The following ZNF462 variants were observed in gnomAD, a reference collection of about 807,000 sequenced individuals.
ZNF462 encodes the protein zinc finger PBX1-interacting protein.
ZNF462 carries 10 observed loss-of-function variants against 201.9 expected under a neutral mutation model. The ratio of observed to expected loss-of-function variants is 0.05; its 90% CI spans 0.03 to 0.08. The LOEUF is 0.08. Ranked by LOEUF, ZNF462 falls within the 10% of genes least tolerant of loss-of-function variation. The probability of loss-of-function intolerance (pLI) is 1.00; values close to 1 mark genes in which losing one functional copy is unlikely to be tolerated. For synonymous variants in ZNF462, 1,227 were observed against 1,193.3 expected (o/e 1.03, Z -0.58); for missense variants, 2,523 against 3,168.3 (o/e 0.80, Z 4.89).
rs1830058915 is a variant in ZNF462 at position 106,923,310 on chromosome 9, A to AT, written c.-30-42dup. On this transcript the variant is annotated intron_variant, in intron 1 of 12. Transcript: ENST00000277225. The surrounding 1 kb of genome is among the most constrained non-coding windows in gnomAD (Gnocchi z 5.6). The stretch of plus-strand genomic sequence containing the variant: ...TAGCCCCATCAGCTCGAGGTATGTG[A>AT]TTAGTGCATTCCTTAAGATGTTTTG... The AT allele has an allele frequency of 6.9e-7, 1 of 1,439,246 alleles. No individual in the cohort carries two copies. The highest frequency in any genetic ancestry group is 1.7e-5 in the Admixed American group (1 of 59,546). The allele number at this position is 1,439,246 out of a possible 1,614,324, so 89.2% of individuals were successfully genotyped here.
At chr9:106,903,148 G>T (rs996462858) in intron 1 of ZNF462, among the ~76,000 whole-genome samples, 1 of 151,800 alleles carries the variant, frequency 6.6e-6, no homozygotes, top group African/African-American at 2.4e-5. Flanking sequence ...TAAGTTCGAA[G>T]AATTTTTAAA....
intron 10 of ZNF462, among the ~76,000 whole-genome samples, chr9:106,994,715 G>A (rs1206068176): frequency 6.6e-6 from 1 of 152,120 alleles, no homozygotes; most frequent in Admixed American, 6.6e-5. Context: ...TGAGCAAGAG[G>A]TGTGACCGTT....
At chr9:106,987,870 C>A (rs12685671) in intron 10 of ZNF462, among the ~76,000 whole-genome samples, 12,754 of 152,136 alleles carry the variant, frequency 0.084, 1,290 homozygotes, top group African/African-American at 0.24. Flanking sequence ...CAGTTTCATT[C>A]TCCTACATGT....
chr9:106,864,768 C>T (rs920304665), intron 1 of ZNF462, among the ~76,000 whole-genome samples: 3 of 152,058 alleles, frequency 2.0e-5, no homozygotes, highest in Non-Finnish European at 4.4e-5. Context: ...CCAGGGCTCC[C>T]GGGGGCTGTG....
chr9:106,968,527 G>A lies in ZNF462; in HGVS notation c.6428-3478G>A, dbSNP rs1016488643. On this transcript the variant is annotated intron_variant, in intron 7 of 12. Coordinates refer to ENST00000277225, the MANE Select transcript of ZNF462 (RefSeq NM_021224.6). This position sits in a 1 kb window ranked among gnomAD's most constrained non-coding sequence, Gnocchi z 4.0. ...GAGAATAAAACTCTTTTCTCAGACT[G>A]TATGTGTCAGGGTTGGTTGGTTGGT... 4.0e-5 allele frequency among the ~76,000 whole-genome samples: 6 copies of A among 151,528 alleles called. No individual in the cohort carries two copies. The highest frequency in any genetic ancestry group is 8.8e-5 in the Non-Finnish European group (6 of 68,020).
chr9:106,943,057 CGCGTGTGT>C (rs1459055728), intron 7 of ZNF462, among the ~76,000 whole-genome samples: 2 of 136,818 alleles, frequency 1.5e-5, no homozygotes, highest in African/African-American at 2.9e-5. Flanking sequence ...GTTTTGCGCG[CGCGTGTGT>C]GTGTGTGTGT....
rs1432495300 is a variant in ZNF462, at chr9:107,006,030, C to G, written c.7189+2604C>G. Among the ~76,000 whole-genome samples, 1 of 152,114 alleles carries G rather than the reference C, an allele frequency of 6.6e-6. No individual in the cohort carries two copies. The highest frequency in any genetic ancestry group is 1.5e-5 in the Non-Finnish European group (1 of 68,014). On this transcript the variant is annotated intron_variant, in intron 11 of 12. Coordinates refer to ENST00000277225, the MANE Select transcript of ZNF462 (RefSeq NM_021224.6). This position sits in a 1 kb window ranked among gnomAD's most constrained non-coding sequence, Gnocchi z 4.3. ...TTATTTCTGGGCTCTCTATTCTGTTCTGTTGGTCTGTGTATCTGTTTTTTA... is the reference window on the plus strand; with the variant it reads ...TTATTTCTGGGCTCTCTATTCTGTTGTGTTGGTCTGTGTATCTGTTTTTTA...
At position 106,890,616 on chromosome 9, in the gene ZNF462, G is replaced by A. The variant is rs1564079361; in HGVS notation, c.-31+27261G>A. On this transcript the variant is annotated intron_variant, in intron 1 of 12. Transcript: ENST00000277225. This position sits in a 1 kb window ranked among gnomAD's most constrained non-coding sequence, Gnocchi z 4.2. ...TGATGATGCACTTAGGCTTACCTTC[G>A]TAATATGGGTAAATGTCTCAGGTTA... is the stretch of plus-strand genomic sequence containing the variant. 6.6e-6 allele frequency among the ~76,000 whole-genome samples: 1 copy of A among 152,156 alleles called. No homozygotes were observed. Among genetic ancestry groups the A allele is most frequent in the Non-Finnish European group, 1.5e-5 (1 of 68,030 alleles).
chr9:106,901,595 G>A (rs1047169579), intron 1 of ZNF462, among the ~76,000 whole-genome samples: 1 of 152,052 alleles, frequency 6.6e-6, no homozygotes, highest in African/African-American at 2.4e-5. Context: ...ATTTCTTTCA[G>A]CAATGTTTTC....
In ZNF462 at chr9:106,925,818, C is replaced by T; in HGVS notation, c.1906C>T (p.Pro636Ser). The T allele has an allele frequency of 6.2e-7, 1 of 1,614,208 alleles. No individual in the cohort carries two copies. Among genetic ancestry groups the T allele is most frequent in the Non-Finnish European group, 8.5e-7 (1 of 1,180,048 alleles). ...CDNLPKFEGQ[P>S]SSLPLENETD... ...CAACTTGCCAAAATTCGAGGGGCAG[C>T]CCTCAAGCCTACCATTGGAAAATGA... The change falls in exon 3 of 13, where the codon CCC becomes TCC. Residue 636 changes from proline (P) to serine (S), a missense_variant. Coordinates refer to ENST00000277225, the MANE Select transcript of ZNF462 (RefSeq NM_021224.6). This position sits in a 1 kb window ranked among gnomAD's most constrained non-coding sequence, Gnocchi z 7.9.
At position 106,968,444 on chromosome 9, in the gene ZNF462, C is replaced by T. The variant is rs1247379947; in HGVS notation, c.6428-3561C>T. Reference sequence around the variant, plus strand: ...CTTAATTAAATTTATTTTATAACTACAATTATACATTATAATTTCATTTCT... The same window carrying T: ...CTTAATTAAATTTATTTTATAACTATAATTATACATTATAATTTCATTTCT... On this transcript the variant is annotated intron_variant, in intron 7 of 12. Coordinates refer to ENST00000277225, the MANE Select transcript of ZNF462 (RefSeq NM_021224.6). This position sits in a 1 kb window ranked among gnomAD's most constrained non-coding sequence, Gnocchi z 4.0. Among the ~76,000 whole-genome samples the T allele has an allele frequency of 2.0e-5, 3 of 152,186 alleles. No homozygotes were observed. Among genetic ancestry groups the T allele is most frequent in the Non-Finnish European group, 4.4e-5 (3 of 68,038 alleles).
At chr9:106,994,991 A>C (rs1189107436) in intron 10 of ZNF462, among the ~76,000 whole-genome samples, 2 of 152,174 alleles carry the variant, frequency 1.3e-5, no homozygotes, top group Admixed American at 1.3e-4. Context: ...AAATGAAATC[A>C]ACTTTTCAAA....
At chr9:106,952,370 A>G (rs1831391533) in intron 7 of ZNF462, among the ~76,000 whole-genome samples, 1 of 152,220 alleles carries the variant, frequency 6.6e-6, no homozygotes, top group African/African-American at 2.4e-5. Flanking sequence ...TTATTAAAAT[A>G]CTATAGTAGA....
chr9:106,952,216 G>T (rs892796225), intron 7 of ZNF462, among the ~76,000 whole-genome samples: 1 of 152,080 alleles, frequency 6.6e-6, no homozygotes, highest in Non-Finnish European at 1.5e-5. Context: ...CATGTCCTTA[G>T]TTAAAGCATT....
Position 107,006,465 on chromosome 9 carries a change from C to G in ZNF462, c.7189+3039C>G, listed in dbSNP as rs933746001. On this transcript the variant is annotated intron_variant, in intron 11 of 12. Transcript: ENST00000277225. The surrounding 1 kb of genome is among the most constrained non-coding windows in gnomAD (Gnocchi z 4.3). ...TCTTCTTACCCTGCACACCACTTTC[C>G]CAGTGCTTCGAGTAGTGTAATCTTC... Among the ~76,000 whole-genome samples the G allele has an allele frequency of 2.6e-5, 4 of 152,186 alleles. No individual in the cohort carries two copies. In the East Asian group the frequency reaches 7.7e-4, roughly 29 times the overall value.
Position 106,929,143 on chromosome 9 carries a change from T to A in ZNF462, c.5231T>A (p.Ile1744Asn). ...ATCAGCGACAAGCCCAACAAAGTGA[T>A]CATCCCATCCCCGCCCAAGGACGAC... ...RTISDKPNKV[I>N]IPSPPKDDSP... is the part of the protein sequence containing the mutation. Residue 1744 changes from isoleucine to asparagine, a missense_variant, in exon 3 of 13, where the codon ATC becomes AAC. Coordinates refer to ENST00000277225, the MANE Select transcript of ZNF462 (RefSeq NM_021224.6). This position sits in a 1 kb window ranked among gnomAD's most constrained non-coding sequence, Gnocchi z 8.7. 1 of 1,614,046 alleles carries A rather than the reference T, an allele frequency of 6.2e-7. No individual in the cohort carries two copies. Among genetic ancestry groups the A allele is most frequent in the Non-Finnish European group, 8.5e-7 (1 of 1,180,016 alleles).
At chr9:106,980,722 A>G (rs1446081413) in intron 9 of ZNF462, among the ~76,000 whole-genome samples, 1 of 152,214 alleles carries the variant, frequency 6.6e-6, no homozygotes. Context: ...GATGAGAGAC[A>G]CAATCCATCT....
Position 106,924,215 on chromosome 9 carries a change from C to G in ZNF462, c.303C>G (p.Pro101=), listed in dbSNP as rs763825123. 16 of 1,614,132 alleles carry G rather than the reference C, an allele frequency of 9.9e-6. No homozygotes were observed. The East Asian group carries it at 3.3e-4, about 34-fold the overall frequency. ...ATGGTCAGCATATTGCCGCTAATCC[C>G]AAACCAACAAACAAGTTTTTTCAAT... ...GYYGQHIAAN[P]KPTNKFFQCK... is the part of the protein sequence containing the mutation. Residue 101 remains proline, a synonymous_variant, in exon 3 of 13, where the codon CCC becomes CCG. Coordinates refer to ENST00000277225, the MANE Select transcript of ZNF462 (RefSeq NM_021224.6). The surrounding 1 kb of genome is among the most constrained non-coding windows in gnomAD (Gnocchi z 6.2).
chr9:106,928,301 C>T lies in ZNF462; in HGVS notation c.4389C>T (p.Pro1463=), dbSNP rs141145292. ...EKSLQLASAN[P]AISSTPYQCT... is the part of the protein sequence containing the mutation. ...GCCTGCAGCTAGCTTCAGCCAACCC[C>T]GCCATATCCTCCACCCCATACCAGT... The change falls in exon 3 of 13, where the codon CCC becomes CCT. Residue 1463 remains proline (P), a synonymous_variant. Transcript: ENST00000277225. The surrounding 1 kb of genome is among the most constrained non-coding windows in gnomAD (Gnocchi z 9.3). 3.3e-3 allele frequency: 5,375 copies of T among 1,614,120 alleles called. 14 individuals carry two copies. The highest frequency in any genetic ancestry group is 4.1e-3 in the Non-Finnish European group (4,877 of 1,180,008).
Sources: gnomAD v4.1 joint callset for allele counts (sites outside exome capture counted in the v4.1 genomes callset) on GRCh38, gnomAD v4.1.1 for gene constraint, Gnocchi (gnomAD v3.1) non-coding constraint, MANE v1.5 for transcripts, NCBI Gene and HGNC (gene_info 2026-07-23, HGNC 2026-07-21) for gene names.